Variants in SLC38A9 observed in about 807,000 individuals in gnomAD.
SLC38A9 encodes solute carrier family 38 member 9, also known as neutral amino acid transporter 9.
Under a neutral mutation model 62.3 loss-of-function variants are expected in SLC38A9, and 48 were observed. That is an observed-to-expected ratio of 0.77 (90% CI 0.61 to 0.98). The LOEUF (loss-of-function observed/expected upper bound fraction) is 0.98. Ranked by LOEUF, SLC38A9 falls within the 50% of genes least tolerant of loss-of-function variation. The pLI is 0.00. For missense variants in SLC38A9, 541 were observed against 679.8 expected, an observed-to-expected ratio of 0.80 and a Z score of 2.27; for synonymous variants, 204 against 227.7, an observed-to-expected ratio of 0.90 and a Z score of 0.94.
intron 9 of SLC38A9, among the ~76,000 whole-genome samples, chr5:55,653,907 T>C (rs372783733): frequency 1.5e-4 from 23 of 152,304 alleles, no homozygotes; most frequent in African/African-American, 5.3e-4. Flanking sequence ...TCTGCCCGCC[T>C]TGGCCTCCCA....
intron 13 of SLC38A9, 124 bp from the exon 14 acceptor site, chr5:55,634,026 GC>G: frequency 1.6e-6 from 1 of 622,870 alleles, no homozygotes; most frequent in Non-Finnish European, 2.6e-6. Context: ...GTGGACTAGT[GC>G]CCATCCACAA....
intron 3 of SLC38A9, among the ~76,000 whole-genome samples, chr5:55,678,230 C>T (rs1300669739): frequency 4.0e-5 from 6 of 151,414 alleles, no homozygotes; most frequent in African/African-American, 7.3e-5. Flanking sequence ...CTCCACCTCC[C>T]GGGTTCAAGC....
intron 12 of SLC38A9, among the ~76,000 whole-genome samples, chr5:55,639,205 G>A (rs867938460): frequency 3.3e-5 from 5 of 150,684 alleles, no homozygotes; most frequent in Non-Finnish European, 5.9e-5. Flanking sequence ...CCGGGAAGGC[G>A]GAGGTTGCAG....
intron 3 of SLC38A9, 30 bp from the exon 4 acceptor site, chr5:55,672,725 G>C: frequency 6.3e-7 from 1 of 1,589,552 alleles, no homozygotes; most frequent in Non-Finnish European, 8.6e-7. Context: ...TTGACAAAAA[G>C]TGTTCAGCCA....
Position 55,649,236 on chromosome 5 carries a change from C to G in SLC38A9, c.1031G>C (p.Trp344Ser), listed in dbSNP as rs1746943893. 1.2e-6 allele frequency: 2 copies of G among 1,607,066 alleles called. No individual in the cohort carries two copies. The highest frequency in any genetic ancestry group is 1.1e-5 in the South Asian group (1 of 89,222). ...TACAAAAAATTCTGTTGGTATAAACCAATGAAATTCCAAATGAAATCCCAA... is the reference window on the plus strand; with the variant it reads ...TACAAAAAATTCTGTTGGTATAAACGAATGAAATTCCAAATGAAATCCCAA... ...VRLGFHLEFH[W>S]FIPTEFFVPE... The change falls in exon 11 of 16, where the codon TGG (tryptophan) becomes TCG (serine). Residue 344 changes from tryptophan to serine, a missense_variant. Transcript: ENST00000396865.
At chr5:55,639,056 G>T (rs971623085) in intron 12 of SLC38A9, among the ~76,000 whole-genome samples, 5 of 151,936 alleles carry the variant, frequency 3.3e-5, no homozygotes, top group Non-Finnish European at 7.4e-5. Flanking sequence ...GGTGGTTCAC[G>T]CCTGTAATCC....
chr5:55,685,010 G>A (rs1753561742), intron 3 of SLC38A9, among the ~76,000 whole-genome samples: 1 of 152,206 alleles, frequency 6.6e-6, no homozygotes, highest in Admixed American at 6.5e-5. Flanking sequence ...ATATTCTTGA[G>A]GAAATGCTGG....
At chr5:55,676,192 C>T (rs1013713792) in intron 3 of SLC38A9, among the ~76,000 whole-genome samples, 2 of 152,048 alleles carry the variant, frequency 1.3e-5, no homozygotes, top group African/African-American at 2.4e-5. Context: ...CTTTTTGAGA[C>T]AGGATTTTAC....
chr5:55,637,944 C>T (rs576078265), intron 12 of SLC38A9, among the ~76,000 whole-genome samples: 1 of 151,884 alleles, frequency 6.6e-6, no homozygotes, highest in South Asian at 2.1e-4. Flanking sequence ...GCTGACCAGT[C>T]TCCAGTGCAA....
intron 8 of SLC38A9, among the ~76,000 whole-genome samples, chr5:55,661,279 C>A (rs1189392535): frequency 6.6e-6 from 1 of 151,666 alleles, no homozygotes; most frequent in African/African-American, 2.4e-5. Flanking sequence ...TCCGTCTCTA[C>A]TAAAAATACA....
chr5:55,645,956 C>T, intron 11 of SLC38A9, 61 bp from the exon 12 acceptor site: 2 of 1,074,612 alleles, frequency 1.9e-6, no homozygotes, highest in Non-Finnish European at 2.8e-6. Flanking sequence ...GTATTGGTAG[C>T]CAAAAGTTGA....
intron 2 of SLC38A9, chr5:55,704,429 GA>G (rs555685345): frequency 6.6e-6 from 1 of 152,114 alleles, no homozygotes. Flanking sequence ...ACTTATTCAG[GA>G]AACTCTGAAA....
chr5:55,651,279 C>G (rs1267402482), intron 10 of SLC38A9, among the ~76,000 whole-genome samples: 1 of 87,848 alleles, frequency 1.1e-5, no homozygotes, highest in African/African-American at 3.9e-5. Flanking sequence ...AAGACAGAGT[C>G]TCATTCTGTC....
At chr5:55,645,735 T>TA (rs1363453670) in intron 12 of SLC38A9, 54 bp downstream of exon 12, 6 of 1,254,494 alleles carry the variant, frequency 4.8e-6, no homozygotes, top group Non-Finnish European at 6.8e-6. Flanking sequence ...AATACTGACT[T>TA]AAAAAATTTA....
At chr5:55,678,591 T>C (rs893205153) in intron 3 of SLC38A9, among the ~76,000 whole-genome samples, 8 of 149,308 alleles carry the variant, frequency 5.4e-5, no homozygotes, top group Non-Finnish European at 8.9e-5. Flanking sequence ...AAATTCATCA[T>C]GCAAATTTCA....
chr5:55,667,054 G>A (rs1474679987), intron 7 of SLC38A9, among the ~76,000 whole-genome samples: 1 of 151,994 alleles, frequency 6.6e-6, no homozygotes, highest in Admixed American at 6.6e-5. Context: ...AATTAACCAG[G>A]CGTGGTGGTG....
intron 9 of SLC38A9, 76 bp downstream of exon 9, chr5:55,656,639 G>A (rs1748478127): frequency 9.4e-6 from 9 of 953,266 alleles, no homozygotes; most frequent in African/African-American, 1.6e-5. Context: ...CTAAAATAAG[G>A]TCACATGTTC....
intron 10 of SLC38A9, among the ~76,000 whole-genome samples, chr5:55,650,823 C>T (rs1747253659): frequency 1.3e-5 from 2 of 152,194 alleles, no homozygotes; most frequent in South Asian, 4.1e-4. Context: ...AGAGTTTTCG[C>T]TCTTGTTGCC....
chr5:55,685,092 A>G lies in SLC38A9; in HGVS notation c.114-12397T>C, dbSNP rs770908709. Among the ~76,000 whole-genome samples the G allele has an allele frequency of 4.6e-5, 7 of 152,200 alleles. No individual in the cohort carries two copies. The East Asian group carries it at 5.8e-4, about 13-fold the overall frequency. On this transcript the variant is annotated intron_variant, in intron 3 of 15. Coordinates refer to ENST00000396865, the MANE Select transcript of SLC38A9 (RefSeq NM_173514.4). ...TCTACATTGTCTTATTAGTTGTCCTATGTCTTCAAGCATATTTTTAAAAAC... is the reference window on the plus strand; with the variant it reads ...TCTACATTGTCTTATTAGTTGTCCTGTGTCTTCAAGCATATTTTTAAAAAC...
Sources: gnomAD v4.1 joint callset for allele counts (sites outside exome capture counted in the v4.1 genomes callset) on GRCh38, gnomAD v4.1.1 for gene constraint, MANE v1.5 for transcripts, NCBI Gene and HGNC (gene_info 2026-07-23, HGNC 2026-07-21) for gene names.